Variants in LEPR observed in about 807,000 individuals in gnomAD.
The protein encoded by LEPR is OB receptor.
LEPR carries 56 observed loss-of-function variants against 114.7 expected under a neutral mutation model. The observed-to-expected ratio is 0.49, with a 90% CI of 0.39 to 0.61. The LOEUF (loss-of-function observed/expected upper bound fraction) is 0.61. LEPR is among the 20% of genes least tolerant of loss of function. The probability of loss-of-function intolerance (pLI) is 0.00; values close to 1 mark genes in which losing one functional copy is unlikely to be tolerated. For missense variants in LEPR, 1,202 were observed against 1,352.9 expected (o/e 0.89, Z 1.75); for synonymous variants, 443 against 461.4 (o/e 0.96, Z 0.51).
chr1:65,637,322 G>T lies in LEPR; in HGVS notation c.*307G>T. On this transcript the variant is annotated 3_prime_UTR_variant, in exon 20 of 20. Transcript: ENST00000349533. ...TGTGAGATGTAATTGTTTTTTCAGA[G>T]GGCGTGTTGTTTTACCTCAAGTTTT... 1 of 262,574 alleles carries T rather than the reference G, an allele frequency of 3.8e-6. No homozygotes were observed. Among genetic ancestry groups the T allele is most frequent in the Non-Finnish European group, 7.3e-6 (1 of 136,326 alleles). The allele number at this position is 262,574 out of a possible 1,614,324, so 16.3% of individuals were successfully genotyped here.
chr1:65,493,270 T>A (rs978050466), intron 2 of LEPR, among the ~76,000 whole-genome samples: 7 of 152,164 alleles, frequency 4.6e-5, no homozygotes, highest in Non-Finnish European at 8.8e-5. Flanking sequence ...TGTTCTATTT[T>A]TACTGCAACT....
chr1:65,630,673 C>T (rs1177810928), intron 19 of LEPR, among the ~76,000 whole-genome samples: 1 of 150,606 alleles, frequency 6.6e-6, no homozygotes, highest in African/African-American at 2.4e-5. Context: ...TACCTTTTAT[C>T]TCATATTTTC....
intron 2 of LEPR, among the ~76,000 whole-genome samples, chr1:65,462,591 G>T (rs1206622731): frequency 1.3e-5 from 2 of 152,190 alleles, no homozygotes; most frequent in Admixed American, 6.5e-5. Context: ...TTCCACAATG[G>T]TTGAACTAAT....
intron 2 of LEPR, among the ~76,000 whole-genome samples, chr1:65,446,510 G>C (rs150563848): frequency 3.3e-5 from 5 of 152,112 alleles, no homozygotes; most frequent in South Asian, 2.1e-4. Flanking sequence ...TTTTATCAGC[G>C]AGGTCCCTTC....
chr1:65,508,870 T>C lies in LEPR; in HGVS notation c.-20-56676T>C, dbSNP rs536420065. Among the ~76,000 whole-genome samples the C allele has an allele frequency of 2.6e-5, 4 of 152,028 alleles. No individual in the cohort carries two copies. In the South Asian group the frequency reaches 6.3e-4, roughly 24 times the overall value. On this transcript the variant is annotated intron_variant, in intron 2 of 19. Coordinates refer to ENST00000349533, the MANE Select transcript of LEPR (RefSeq NM_002303.6). Reference sequence around the variant, plus strand: ...TATAATTTTCAATTTATTTCATCAATGTTTTATAGTTTTTGGTATACAGAT... The same window carrying C: ...TATAATTTTCAATTTATTTCATCAACGTTTTATAGTTTTTGGTATACAGAT...
chr1:65,499,985 T>C (rs914557408), intron 2 of LEPR, among the ~76,000 whole-genome samples: 5 of 152,110 alleles, frequency 3.3e-5, no homozygotes, highest in African/African-American at 7.2e-5. Flanking sequence ...GGGAGGGAGC[T>C]TGTGGGAAGT....
chr1:65,543,361 T>C (rs1270393996), intron 2 of LEPR, among the ~76,000 whole-genome samples: 2 of 152,038 alleles, frequency 1.3e-5, no homozygotes, highest in Non-Finnish European at 2.9e-5. Flanking sequence ...TTCTGGATAT[T>C]AGCCCTTTGT....
chr1:65,459,380 G>A (rs933103163), intron 2 of LEPR, among the ~76,000 whole-genome samples: 2 of 152,138 alleles, frequency 1.3e-5, no homozygotes, highest in African/African-American at 4.8e-5. Flanking sequence ...AAACTCACTT[G>A]GAAGCTGCCC....
intron 14 of LEPR, among the ~76,000 whole-genome samples, chr1:65,610,827 GTT>G (rs1414856606): frequency 6.6e-6 from 1 of 152,192 alleles, no homozygotes; most frequent in Non-Finnish European, 1.5e-5. Context: ...CAAGTGAATA[GTT>G]TATTTGGTCA....
rs1647633683 is a variant in LEPR, at chr1:65,488,198, T to TCTCTCTCTCTCTCTC, written c.-21+62820_-21+62821insCTCTCTCTCTCTCTC. Among the ~76,000 whole-genome samples the TCTCTCTCTCTCTCTC allele has an allele frequency of 1.6e-4, 4 of 24,630 alleles. No homozygotes were observed. In the East Asian group the frequency reaches 2.4e-3, roughly 15 times the overall value. 16.2% of individuals were successfully genotyped at this position (24,630 alleles called of 152,430 possible). A position where few individuals can be genotyped will look rare whatever the true frequency, so the allele number is the denominator to read the frequency against. On this transcript the variant is annotated intron_variant, in intron 2 of 19. Transcript: ENST00000349533. ...TTTCTTTCTTTCTTTCTTTCTTTCT[T>TCTCTCTCTCTCTCTC]TCTTTCTTTCTTTCTCTCTCTCTCT... is the stretch of plus-strand genomic sequence containing the variant.
At chr1:65,432,195 T>C in intron 2 of LEPR, 1 of 1,084,648 alleles carries the variant, frequency 9.2e-7, no homozygotes, top group Non-Finnish European at 1.1e-6. Flanking sequence ...CGCAGTCTTG[T>C]AGGCAGCTGC....
chr1:65,459,618 C>T (rs1646919614), intron 2 of LEPR, among the ~76,000 whole-genome samples: 1 of 152,190 alleles, frequency 6.6e-6, no homozygotes, highest in Admixed American at 6.5e-5. Flanking sequence ...GGGAAATGTT[C>T]ACAGGATCCA....
chr1:65,507,154 G>T (rs1175273399), intron 2 of LEPR, among the ~76,000 whole-genome samples: 3 of 151,928 alleles, frequency 2.0e-5, no homozygotes, highest in African/African-American at 7.3e-5. Flanking sequence ...GGGTTCAAAC[G>T]ATCCTCCTGC....
At chr1:65,452,457 A>G (rs1158659314) in intron 2 of LEPR, among the ~76,000 whole-genome samples, 21 of 151,846 alleles carry the variant, frequency 1.4e-4, no homozygotes, top group Non-Finnish European at 2.4e-4. Flanking sequence ...CGTCCCATCA[A>G]TACCTAATTT....
At chr1:65,468,580 C>T (rs1048349257) in intron 2 of LEPR, among the ~76,000 whole-genome samples, 1 of 152,156 alleles carries the variant, frequency 6.6e-6, no homozygotes, top group African/African-American at 2.4e-5. Context: ...AACCTGTATT[C>T]CTATCTGGTG....
chr1:65,588,307 T>A (rs1230544275), intron 5 of LEPR, among the ~76,000 whole-genome samples: 2 of 151,986 alleles, frequency 1.3e-5, no homozygotes, highest in East Asian at 3.8e-4. Flanking sequence ...ATTATAATTT[T>A]TTTTTTAAGA....
chr1:65,631,622 CCTGTT>C (rs776888786), intron 19 of LEPR, among the ~76,000 whole-genome samples: 5 of 152,038 alleles, frequency 3.3e-5, no homozygotes, highest in African/African-American at 1.2e-4. Context: ...AAGAGAGAAA[CCTGTT>C]CAGTCAGCCA....
At chr1:65,529,549 A>AAGGGAGGGAGGG (rs144507703) in intron 2 of LEPR, among the ~76,000 whole-genome samples, 8 of 100,110 alleles carry the variant, frequency 8.0e-5, no homozygotes, top group African/African-American at 2.9e-4. Context: ...GGAAGGGAGG[A>AAGGGAGGGAGGG]AGGGAGGGAG....
chr1:65,516,853 A>G (rs547592451), intron 2 of LEPR, among the ~76,000 whole-genome samples: 1 of 152,290 alleles, frequency 6.6e-6, no homozygotes, highest in South Asian at 2.1e-4. Flanking sequence ...TACCCATTTC[A>G]TAAAGACTCA....
Sources: allele counts gnomAD v4.1 joint callset (sites outside exome capture counted in the v4.1 genomes callset), GRCh38; gene constraint gnomAD v4.1.1; transcripts MANE v1.5; gene names NCBI Gene and HGNC (gene_info 2026-07-23, HGNC 2026-07-21).